Variants in KLHDC4 observed in about 807,000 individuals in gnomAD.
KLHDC4 encodes kelch domain-containing protein 4.
Under a neutral mutation model 62.4 loss-of-function variants are expected in KLHDC4, and 90 were observed. The ratio of observed to expected loss-of-function variants is 1.44; its 90% CI spans 1.22 to 1.72. The LOEUF is 1.72. KLHDC4 is among the 40% of genes most tolerant of loss of function. KLHDC4 has a pLI of 0.00. For synonymous variants in KLHDC4, 386 were observed against 284.4 expected, an observed-to-expected ratio of 1.36 and a Z score of -3.59; for missense variants, 1,025 against 699.7, an observed-to-expected ratio of 1.47 and a Z score of -5.25.
At chr16:87,710,357 A>C (rs1467021294) in intron 9 of KLHDC4, 1 of 152,266 alleles carries the variant, frequency 6.6e-6, no homozygotes, top group Non-Finnish European at 1.5e-5. Flanking sequence ...CAAATTTTCC[A>C]AGGATCACTA....
chr16:87,752,360 A>G (rs1299096977), intron 4 of KLHDC4, among the ~76,000 whole-genome samples: 1 of 145,776 alleles, frequency 6.9e-6, no homozygotes, highest in Admixed American at 6.9e-5. Context: ...TTTTGGAGAC[A>G]GAGTCTCGCT....
At chr16:87,710,404 A>ACT (rs1295899112) in intron 9 of KLHDC4, 1 of 152,120 alleles carries the variant, frequency 6.6e-6, no homozygotes, top group East Asian at 1.9e-4. Flanking sequence ...CACATTCTAG[A>ACT]CTTCTAAGAT....
chr16:87,700,219 G>C (rs1257838500), exon 1 of KLHDC4: 1 of 154,416 alleles, frequency 6.5e-6, no homozygotes, highest in Non-Finnish European at 1.5e-5. Flanking sequence ...CTCTTCCGAA[G>C]TTTGATCTGA....
chr16:87,741,046 AT>A (rs1442572664), intron 5 of KLHDC4: 2 of 152,136 alleles, frequency 1.3e-5, no homozygotes, highest in Non-Finnish European at 2.9e-5. Context: ...CAGCATTGCC[AT>A]TACCCCCCTC....
chr16:87,714,473 C>CG, intron 8 of KLHDC4, 25 bp downstream of exon 8: 4 of 1,613,554 alleles, frequency 2.5e-6, no homozygotes, highest in Non-Finnish European at 3.4e-6. Flanking sequence ...AGCCAGCTCC[C>CG]GCCCTGGAGG....
intron 7 of KLHDC4, among the ~76,000 whole-genome samples, chr16:87,723,702 T>C (rs2038853708): frequency 6.6e-6 from 1 of 152,266 alleles, no homozygotes; most frequent in African/African-American, 2.4e-5. Flanking sequence ...CCAACTGCCA[T>C]TAAAAGGCTG....
At chr16:87,763,407 A>G (rs1389314733) in intron 1 of KLHDC4, 5 of 152,210 alleles carry the variant, frequency 3.3e-5, no homozygotes, top group Non-Finnish European at 5.9e-5. Flanking sequence ...GTTCGAGACC[A>G]GCCTGACCAA....
In KLHDC4 at chr16:87,707,858, G is replaced by A. The variant is rs1433639225; in HGVS notation, c.*219C>T. 4.7e-6 allele frequency: 2 copies of A among 426,514 alleles called. No homozygotes were observed. The highest frequency in any genetic ancestry group is 4.1e-5 in the African/African-American group (2 of 49,258). The allele number at this position is 426,514 out of a possible 1,614,324, so 26.4% of individuals were successfully genotyped here. On this transcript the variant is annotated 3_prime_UTR_variant, in exon 12 of 12. Transcript: ENST00000270583. ...TTTCACACAACACACAGGCTGCTGA[G>A]GGAATCCACCTGCACTGCACTCAGT...
At chr16:87,700,621 GGAGGGAGGAGGGAGAACGCTGGAGGGCA>G in exon 1 of KLHDC4, 2 of 220,324 alleles carry the variant, frequency 9.1e-6, no homozygotes, top group Non-Finnish European at 1.8e-5. Flanking sequence ...GAAACAGGGT[GGAGGGAGGAGGGAGAACGCTGGAGGGCA>G]GAGGGAGGAG....
At chr16:87,746,226 C>T (rs2043011545) in intron 5 of KLHDC4, among the ~76,000 whole-genome samples, 1 of 151,972 alleles carries the variant, frequency 6.6e-6, no homozygotes, top group African/African-American at 2.4e-5. Flanking sequence ...GGTGTGATCA[C>T]ACCACTGTAT....
At chr16:87,711,928 C>A (rs71392309) in intron 8 of KLHDC4, among the ~76,000 whole-genome samples, 7,931 of 136,812 alleles carry the variant, frequency 0.058, 293 homozygotes, top group South Asian at 0.16. Flanking sequence ...TGCCAGCCCC[C>A]CTTGGGCCTG....
intron 7 of KLHDC4, among the ~76,000 whole-genome samples, chr16:87,719,242 G>A (rs989293811): frequency 1.3e-5 from 2 of 152,244 alleles, no homozygotes; most frequent in Non-Finnish European, 1.5e-5. Context: ...GGAAATGTGG[G>A]GAAAAGAAAG....
intron 5 of KLHDC4, among the ~76,000 whole-genome samples, chr16:87,737,772 G>T (rs745659851): frequency 8.6e-5 from 13 of 151,928 alleles, no homozygotes; most frequent in Non-Finnish European, 1.8e-4. Flanking sequence ...CTGTATTTCT[G>T]TAGAGATGGC....
At chr16:87,725,904 C>T (rs946661729) in intron 7 of KLHDC4, among the ~76,000 whole-genome samples, 1 of 152,110 alleles carries the variant, frequency 6.6e-6, no homozygotes, top group African/African-American at 2.4e-5. Flanking sequence ...AATTTCATTC[C>T]ACAGAGACTA....
intron 7 of KLHDC4, among the ~76,000 whole-genome samples, chr16:87,719,166 G>C (rs2037732149): frequency 6.6e-6 from 1 of 152,252 alleles, no homozygotes; most frequent in African/African-American, 2.4e-5. Context: ...CGTCTGGGAG[G>C]AGTACCCAAC....
chr16:87,743,608 C>T (rs1026474821), intron 5 of KLHDC4, among the ~76,000 whole-genome samples: 11 of 151,830 alleles, frequency 7.2e-5, no homozygotes, highest in Non-Finnish European at 1.5e-4. Context: ...GGCGTGGTGG[C>T]GGGCGCCTGT....
At chr16:87,760,843 G>C (rs74404087) in intron 2 of KLHDC4, among the ~76,000 whole-genome samples, 1 of 152,024 alleles carries the variant, frequency 6.6e-6, no homozygotes, top group Non-Finnish European at 1.5e-5. Flanking sequence ...GACCAGCCAG[G>C]CCAACATGGC....
At chr16:87,713,600 C>T (rs550114908) in intron 8 of KLHDC4, among the ~76,000 whole-genome samples, 3 of 152,252 alleles carry the variant, frequency 2.0e-5, no homozygotes, top group South Asian at 2.1e-4. Context: ...CGGCTTCTTC[C>T]GCTTCAGAGG....
At chr16:87,712,623 G>A (rs970679913) in intron 8 of KLHDC4, among the ~76,000 whole-genome samples, 13 of 152,378 alleles carry the variant, frequency 8.5e-5, no homozygotes, top group South Asian at 2.1e-4. Context: ...GAAAGAAGGC[G>A]TCTGTCCTAT....
Sources: allele counts gnomAD v4.1 joint callset (sites outside exome capture counted in the v4.1 genomes callset), GRCh38; gene constraint gnomAD v4.1.1; transcripts MANE v1.5; gene names NCBI Gene and HGNC (gene_info 2026-07-23, HGNC 2026-07-21).